SPTBN1: variants seen among roughly 807,000 people sequenced by gnomAD.
SPTBN1 encodes the protein spectrin beta, non-erythrocytic 1, also known as spectrin beta chain, non-erythrocytic 1.
SPTBN1 carries 32 observed loss-of-function variants against 266.4 expected under a neutral mutation model. The observed-to-expected ratio is 0.12, with a 90% confidence interval of 0.09 to 0.16. The LOEUF (loss-of-function observed/expected upper bound fraction) is 0.16. Among genes scored for constraint, SPTBN1 ranks in the 10% least tolerant of loss-of-function variants. The pLI is 1.00. For missense variants in SPTBN1, 2,296 were observed against 3,067.1 expected (o/e 0.75, Z 5.94); for synonymous variants, 1,336 against 1,162.2 (o/e 1.15, Z -3.04).
At chr2:54,546,005 G>T (rs1352873704) in intron 2 of SPTBN1, among the ~76,000 whole-genome samples, 1 of 152,140 alleles carries the variant, frequency 6.6e-6, no homozygotes, top group African/African-American at 2.4e-5. Context: ...CTAGTCTCTT[G>T]TTAATTTTTG....
Position 54,663,939 on chromosome 2 carries a change from G to C in SPTBN1, c.6421-514G>C, listed in dbSNP as rs1316720938. ...TGAGGGGAGGGGGAGGAGAGCCAGA[G>C]AGCATTTTCAGGAACCGAGGTCTTT... is the stretch of plus-strand genomic sequence containing the variant. On this transcript the variant is annotated intron_variant, in intron 32 of 35. Coordinates refer to ENST00000356805, the MANE Select transcript of SPTBN1 (RefSeq NM_003128.3). 7.2e-5 allele frequency: 11 copies of C among 152,556 alleles called. No homozygotes were observed. The East Asian group carries it at 1.7e-3, about 24-fold the overall frequency. The allele number at this position is 152,556 out of a possible 1,614,324, so 9.5% of individuals were successfully genotyped here.
At chr2:54,482,680 C>G (rs1012970566) in intron 1 of SPTBN1, among the ~76,000 whole-genome samples, 9 of 152,226 alleles carry the variant, frequency 5.9e-5, no homozygotes, top group African/African-American at 1.9e-4. Context: ...AGTAGCCACA[C>G]ATGGCTCATG....
At chr2:54,466,812 A>C (rs565991754) in intron 1 of SPTBN1, among the ~76,000 whole-genome samples, 12 of 152,324 alleles carry the variant, frequency 7.9e-5, no homozygotes, top group Non-Finnish European at 1.5e-4. Flanking sequence ...CAAATAATTT[A>C]CCAGCTAAAT....
intron 1 of SPTBN1, among the ~76,000 whole-genome samples, chr2:54,506,884 G>A (rs1669590567): frequency 1.4e-5 from 1 of 72,850 alleles, no homozygotes; most frequent in African/African-American, 5.7e-5. Context: ...AGGTTGATCT[G>A]GTTCTCTCTC....
At chr2:54,536,824 T>G (rs12617036) in intron 2 of SPTBN1, among the ~76,000 whole-genome samples, 122,025 of 152,040 alleles carry the variant, frequency 0.8, 49,516 homozygotes, top group African/African-American at 0.94. Context: ...TTGAGTCCAG[T>G]AGTTAAAGAC....
At position 54,629,647 on chromosome 2, in the gene SPTBN1, C is replaced by A. The variant is rs879005866; in HGVS notation, c.2513C>A (p.Thr838Lys). Residue 838 changes from threonine to lysine, a missense_variant, in exon 14 of 36, where the codon ACG (threonine) becomes AAG (lysine). Physicochemically the swap from Thr to Lys is moderately conservative, Grantham distance 78. Transcript: ENST00000356805. ...EERYKEVAEL[T>K]RLRKQALQDT... ...CGGTATAAGGAGGTGGCAGAGCTGA[C>A]GCGGCTGCGGAAGCAGGCACTCCAG... 1.9e-6 allele frequency: 3 copies of A among 1,613,746 alleles called. No homozygotes were observed. Among genetic ancestry groups the A allele is most frequent in the Admixed American group, 3.3e-5 (2 of 60,016 alleles).
At chr2:54,598,380 T>C (rs182660413) in intron 2 of SPTBN1, among the ~76,000 whole-genome samples, 1 of 152,318 alleles carries the variant, frequency 6.6e-6, no homozygotes, top group East Asian at 1.9e-4. Flanking sequence ...TGTTGAAACC[T>C]TGGGCCCAGA....
In SPTBN1 at chr2:54,569,657, A is replaced by G. The variant is rs56672607; in HGVS notation, c.149-29435A>G. Among the ~76,000 whole-genome samples, 1,047 of 152,286 alleles carry G rather than the reference A, an allele frequency of 6.9e-3. 14 individuals carry two copies. Among genetic ancestry groups the G allele is most frequent in the African/African-American group, 0.024 (1,000 of 41,562 alleles). On this transcript the variant is annotated intron_variant, in intron 2 of 35. Transcript: ENST00000356805. ...AATTCACTTTCCAAATCAGACAATT[A>G]CTTACCAGTCTGAGAGCCTGCTTCT...
At chr2:54,508,774 T>C (rs1322241014) in intron 1 of SPTBN1, among the ~76,000 whole-genome samples, 2 of 152,226 alleles carry the variant, frequency 1.3e-5, no homozygotes, top group Non-Finnish European at 2.9e-5. Context: ...CTTATCAGCA[T>C]AGGCGTTGTC....
chr2:54,646,024 C>G lies in SPTBN1; in HGVS notation c.4584+7C>G, dbSNP rs1253857492. The G allele has an allele frequency of 1.2e-6, 2 of 1,614,084 alleles. No homozygotes were observed. Among genetic ancestry groups the G allele is most frequent in the Non-Finnish European group, 1.7e-6 (2 of 1,180,054 alleles). ...GTTAATAAAGAAAAATCAGGTAAGC[C>G]TTTCTGCTCGAGCTAGTTCTGTCTG... On this transcript the variant is annotated splice_region_variant and intron_variant, in intron 22 of 35. Transcript: ENST00000356805. This position sits in a 1 kb window ranked among gnomAD's most constrained non-coding sequence, Gnocchi z 4.4.
intron 28 of SPTBN1, 35 bp from the exon 29 acceptor site, chr2:54,655,879 A>G (rs748389141): frequency 2.6e-6 from 4 of 1,556,478 alleles, no homozygotes; most frequent in East Asian, 2.3e-5. Context: ...GGTGCATTCC[A>G]TTAAGATGTC....
At chr2:54,456,566 C>T (rs1392680941) in intron 1 of SPTBN1, 48 bp downstream of exon 1, 1 of 151,850 alleles carries the variant, frequency 6.6e-6, no homozygotes, top group African/African-American at 2.4e-5. Flanking sequence ...CTGGGGCTGC[C>T]TCCCGGGTGG....
At chr2:54,650,473 CAG>C (rs140921162) in intron 26 of SPTBN1, among the ~76,000 whole-genome samples, 3,201 of 152,278 alleles carry the variant, frequency 0.021, 135 homozygotes, top group African/African-American at 0.073. Context: ...AACAATATAA[CAG>C]AATCTAGTGT....
At chr2:54,496,203 G>A (rs1326687958) in intron 1 of SPTBN1, among the ~76,000 whole-genome samples, 2 of 152,134 alleles carry the variant, frequency 1.3e-5, no homozygotes, top group Non-Finnish European at 2.9e-5. Flanking sequence ...TTGGGAGGCT[G>A]AGGCAGGGTG....
At chr2:54,501,150 C>G (rs76909703) in intron 1 of SPTBN1, among the ~76,000 whole-genome samples, 8,232 of 152,260 alleles carry the variant, frequency 0.054, 296 homozygotes, top group Admixed American at 0.092. Flanking sequence ...CTGCAGAGAG[C>G]AGGACTCTGG....
At chr2:54,515,737 G>C (rs188040522) in intron 1 of SPTBN1, 1 of 152,204 alleles carries the variant, frequency 6.6e-6, no homozygotes, top group Non-Finnish European at 1.5e-5. Flanking sequence ...TTGTTGCCCA[G>C]GCTGGTCTCG....
chr2:54,515,652 A>G (rs1670071905), intron 1 of SPTBN1: 2 of 152,174 alleles, frequency 1.3e-5, no homozygotes, highest in South Asian at 2.1e-4. Flanking sequence ...CCATTTGAAG[A>G]TGAATGGCTG....
intron 32 of SPTBN1, chr2:54,661,157 C>A (rs1372388648): frequency 1.0e-6 from 1 of 985,288 alleles, no homozygotes; most frequent in Non-Finnish European, 1.2e-6. Flanking sequence ...TTGTGGAATT[C>A]TCTGATAAAG....
chr2:54,634,764 T>TAC (rs1014971960), intron 17 of SPTBN1, among the ~76,000 whole-genome samples: 23 of 152,324 alleles, frequency 1.5e-4, no homozygotes, highest in African/African-American at 4.8e-4. Flanking sequence ...ATAATGTGCT[T>TAC]ACGTTCAGGA....
Sources: allele counts gnomAD v4.1 joint callset (sites outside exome capture counted in the v4.1 genomes callset), GRCh38; gene constraint gnomAD v4.1.1; non-coding constraint Gnocchi (gnomAD v3.1); transcripts MANE v1.5; gene names NCBI Gene and HGNC (gene_info 2026-07-23, HGNC 2026-07-21).